The following PLEKHG1 variants were observed in gnomAD, a reference collection of about 807,000 sequenced individuals.
The protein encoded by PLEKHG1 is pleckstrin homology and RhoGEF domain containing G1, also known as pleckstrin homology domain-containing family G member 1.
PLEKHG1 carries 44 observed loss-of-function variants against 100.8 expected under a neutral mutation model. The observed-to-expected ratio is 0.44, with a 90% CI of 0.34 to 0.56. The LOEUF (loss-of-function observed/expected upper bound fraction) is 0.56, where lower values mean the gene tolerates loss of function less well. Ranked by LOEUF, PLEKHG1 falls within the 20% of genes least tolerant of loss-of-function variation. The pLI is 0.01. For missense variants in PLEKHG1, 1,545 were observed against 1,720.9 expected, an observed-to-expected ratio of 0.90 and a Z score of 1.81; for synonymous variants, 640 against 662.5, an observed-to-expected ratio of 0.97 and a Z score of 0.52.
intron 3 of PLEKHG1, among the ~76,000 whole-genome samples, chr6:150,665,278 GA>G (rs1183458452): frequency 5.9e-5 from 9 of 152,176 alleles, no homozygotes; most frequent in African/African-American, 1.9e-4. Context: ...CATTAGAAGA[GA>G]AAGCTAATAT....
In PLEKHG1 at chr6:150,633,319, G is replaced by A. The variant is rs1413070786; in HGVS notation, c.-203-4761G>A. 3 of 153,214 alleles carry A rather than the reference G, an allele frequency of 2.0e-5. No individual in the cohort carries two copies. The East Asian group carries it at 5.7e-4, about 29-fold the overall frequency. 9.5% of individuals were successfully genotyped at this position (153,214 alleles called of 1,614,324 possible). A position where few individuals can be genotyped will look rare whatever the true frequency, so the allele number is the denominator to read the frequency against. ...GGAGTCACCAGGTAAAGATGGGTTG[G>A]AAGGACCTGGCAGGCAGAGCAGGGA... On this transcript the variant is annotated intron_variant, in intron 1 of 3. Transcript: ENST00000367326.
At chr6:150,650,097 G>T (rs991407439) in intron 2 of PLEKHG1, among the ~76,000 whole-genome samples, 2 of 149,290 alleles carry the variant, frequency 1.3e-5, no homozygotes, top group African/African-American at 4.9e-5. Flanking sequence ...AACCAAAACA[G>T]TGACCAGAAA....
Position 150,804,610 on chromosome 6 carries a change from G to T in PLEKHG1, c.781G>T (p.Glu261Ter). 1 of 1,574,286 alleles carries T rather than the reference G, an allele frequency of 6.4e-7. No individual in the cohort carries two copies. Reference sequence around the variant, plus strand: ...AAACCCTCGTTCTTTTTTGTTTAAGGAAATAGAAAACCACCTTGATAAGGA... The same window carrying T: ...AAACCCTCGTTCTTTTTTGTTTAAGTAAATAGAAAACCACCTTGATAAGGA... The change falls in exon 7 of 16, where the codon GAA becomes TAA. Residue 261 changes from glutamate (E) to a stop codon, truncating the protein, a stop_gained and splice_region_variant. Coordinates refer to ENST00000358517, the Ensembl canonical transcript of PLEKHG1. LOFTEE classifies it high-confidence loss of function.
chr6:150,752,755 A>T (rs1783592290), intron 2 of PLEKHG1, among the ~76,000 whole-genome samples: 1 of 152,186 alleles, frequency 6.6e-6, no homozygotes, highest in Non-Finnish European at 1.5e-5. Context: ...TTATGAAAAT[A>T]ATGCAGACAT....
At chr6:150,835,811 A>T (rs1777193702) in intron 15 of PLEKHG1, among the ~76,000 whole-genome samples, 1 of 152,204 alleles carries the variant, frequency 6.6e-6, no homozygotes, top group Non-Finnish European at 1.5e-5. Flanking sequence ...AAAGCCCCTT[A>T]GATCAGCAGG....
chr6:150,760,291 A>G (rs1784082182), intron 2 of PLEKHG1, among the ~76,000 whole-genome samples: 1 of 152,154 alleles, frequency 6.6e-6, no homozygotes, highest in Non-Finnish European at 1.5e-5. Flanking sequence ...TTATAGCCAC[A>G]TTTAATTGTG....
intron 1 of PLEKHG1, among the ~76,000 whole-genome samples, chr6:150,606,664 T>C (rs889441470): frequency 6.6e-6 from 1 of 152,206 alleles, no homozygotes. Flanking sequence ...GCTTTTCTCT[T>C]CGTATCCAAG....
chr6:150,604,268 TG>T (rs1205403777), intron 1 of PLEKHG1, among the ~76,000 whole-genome samples: 1 of 152,218 alleles, frequency 6.6e-6, no homozygotes, highest in Non-Finnish European at 1.5e-5. Context: ...TCTAGTTCTC[TG>T]GGTCTAGTCA....
chr6:150,758,375 T>G (rs999280282), intron 2 of PLEKHG1, among the ~76,000 whole-genome samples: 1 of 151,958 alleles, frequency 6.6e-6, no homozygotes, highest in African/African-American at 2.4e-5. Flanking sequence ...TTACTCTTGT[T>G]GCCCAGGTTG....
chr6:150,814,364 A>G (rs1348321734), intron 10 of PLEKHG1, among the ~76,000 whole-genome samples: 1 of 152,232 alleles, frequency 6.6e-6, no homozygotes, highest in Non-Finnish European at 1.5e-5. Context: ...TGTGTGCCTC[A>G]GGAAGTTCCC....
Position 150,693,191 on chromosome 6 carries a change from G to A in PLEKHG1, c.-98-40393G>A, listed in dbSNP as rs539494640. ...TAGTCCCAGCTACTCGGGAGGCTGA[G>A]ACAGGAGAATCACTTGAACCTGGGA... On this transcript the variant is annotated intron_variant, in intron 3 of 3. Transcript: ENST00000367326. 2.0e-5 allele frequency among the ~76,000 whole-genome samples: 3 copies of A among 152,286 alleles called. No homozygotes were observed. In the South Asian group the frequency reaches 6.2e-4, roughly 32 times the overall value.
intron 3 of PLEKHG1, among the ~76,000 whole-genome samples, chr6:150,699,120 G>A (rs930750618): frequency 2.6e-5 from 4 of 152,178 alleles, no homozygotes; most frequent in Non-Finnish European, 4.4e-5. Flanking sequence ...GTCAGTTTCT[G>A]TTATTATACT....
At position 150,600,254 on chromosome 6, in the gene PLEKHG1, G is replaced by C. The variant is rs930736268; in HGVS notation, c.-204+237G>C. On this transcript the variant is annotated intron_variant, in intron 1 of 3. Transcript: ENST00000367326. This position sits in a 1 kb window ranked among gnomAD's most constrained non-coding sequence, Gnocchi z 6.2. Reference sequence around the variant, plus strand: ...GCGCGGTGGGGACGGAGGGCGCTGGGGGGCGCCGCGTCTCGGGGGTCGGAG... The same window carrying C: ...GCGCGGTGGGGACGGAGGGCGCTGGCGGGCGCCGCGTCTCGGGGGTCGGAG... 6.6e-6 allele frequency among the ~76,000 whole-genome samples: 1 copy of C among 151,734 alleles called. No individual in the cohort carries two copies. The highest frequency in any genetic ancestry group is 1.5e-5 in the Non-Finnish European group (1 of 67,856).
At chr6:150,764,551 C>A (rs1374329324) in intron 2 of PLEKHG1, among the ~76,000 whole-genome samples, 1 of 152,300 alleles carries the variant, frequency 6.6e-6, no homozygotes, top group East Asian at 1.9e-4. Context: ...GCAGTGCAGC[C>A]CCACCCTCAA....
In PLEKHG1 at chr6:150,649,728, A is replaced by G. The variant is rs1252791779; in HGVS notation, c.-157-1000A>G. Among the ~76,000 whole-genome samples, 2 of 150,922 alleles carry G rather than the reference A, an allele frequency of 1.3e-5. 1 individual carries two copies. Among genetic ancestry groups the G allele is most frequent in the East Asian group, 3.9e-4 (2 of 5,114 alleles). On this transcript the variant is annotated intron_variant, in intron 2 of 3. Coordinates refer to the PLEKHG1 transcript ENST00000367326. ...CCTGTCGCTACTAAAAATACAAAAA[A>G]TGGCCAGGCGCGGTGGCTCATGGCT...
chr6:150,822,039 C>A (rs1308398027), intron 13 of PLEKHG1, among the ~76,000 whole-genome samples: 1 of 138,600 alleles, frequency 7.2e-6, no homozygotes, highest in East Asian at 2.0e-4. Context: ...TGGGGTTTCT[C>A]CATGTTGGTC....
At chr6:150,798,542 G>A (rs1013990293) in intron 5 of PLEKHG1, among the ~76,000 whole-genome samples, 19 of 152,136 alleles carry the variant, frequency 1.2e-4, no homozygotes, top group Admixed American at 7.9e-4. Context: ...ATGGAGCACC[G>A]TCCCAAGCCT....
chr6:150,661,419 GT>G (rs933793264), intron 3 of PLEKHG1, among the ~76,000 whole-genome samples: 1 of 151,968 alleles, frequency 6.6e-6, no homozygotes, highest in African/African-American at 2.4e-5. Flanking sequence ...TTAAGCCAGG[GT>G]TTTTTTTCCC....
At chr6:150,819,819 G>C (rs1323553760) in intron 12 of PLEKHG1, 45 bp downstream of exon 13, 2 of 1,028,156 alleles carry the variant, frequency 1.9e-6, no homozygotes, top group Non-Finnish European at 3.1e-6. Context: ...ATGGGGGACT[G>C]GCAATGAAAG....
Sources: allele counts gnomAD v4.1 joint callset (sites outside exome capture counted in the v4.1 genomes callset), GRCh38; gene constraint gnomAD v4.1.1; non-coding constraint Gnocchi (gnomAD v3.1); transcripts MANE v1.5; gene names NCBI Gene and HGNC (gene_info 2026-07-23, HGNC 2026-07-21).